Variants in CIB1 observed in about 807,000 individuals in gnomAD.
CIB1 encodes calcium and integrin-binding protein 1.
In CIB1, 19 loss-of-function variants were observed where a neutral mutation model predicts 25.0. The ratio of observed to expected loss-of-function variants is 0.76; its 90% confidence interval spans 0.53 to 1.12. CIB1 has a LOEUF of 1.12. Ranked by LOEUF, CIB1 falls within the 50% of genes most tolerant of loss-of-function variation. The probability of loss-of-function intolerance (pLI) is 0.00; values close to 1 mark genes in which losing one functional copy is unlikely to be tolerated. For synonymous variants in CIB1, 104 were observed against 98.5 expected (o/e 1.06, Z -0.33); for missense variants, 236 against 242.6 (o/e 0.97, Z 0.18).
chr15:90,252,170 G>T, the CIB1 span, among the ~76,000 whole-genome samples: 1 of 151,760 alleles, frequency 6.6e-6, no homozygotes. Flanking sequence ...CTCCCAAATA[G>T]CTGGGATTAC....
the CIB1 span, chr15:90,265,076 C>T: frequency 7.3e-7 from 1 of 1,378,138 alleles, no homozygotes; most frequent in Non-Finnish European, 9.6e-7. Flanking sequence ...TTTGAAAAGC[C>T]CTGCCCAGGA....
the CIB1 span, chr15:90,255,652 T>C: frequency 1.4e-5 from 21 of 1,538,782 alleles, no homozygotes; most frequent in Admixed American, 1.4e-4. Context: ...CACTGTGACT[T>C]CTCCCTTAAC....
chr15:90,257,805 G>A, the CIB1 span: 3 of 1,393,600 alleles, frequency 2.2e-6, no homozygotes, highest in Non-Finnish European at 3.0e-6. Context: ...GCTGGCTCTT[G>A]GGAGGCTAAT....
the CIB1 span, chr15:90,264,172 G>A: frequency 1.3e-5 from 9 of 668,120 alleles, no homozygotes; most frequent in Non-Finnish European, 1.8e-5. Context: ...GTAAGAATGG[G>A]GAAGTTAGGG....
chr15:90,240,933 G>T, the CIB1 span: 1 of 1,613,730 alleles, frequency 6.2e-7, no homozygotes, highest in Non-Finnish European at 8.5e-7. Context: ...TGATTCAAAC[G>T]AAACTTCCTA....
chr15:90,257,212 C>T, the CIB1 span: 1 of 1,613,836 alleles, frequency 6.2e-7, no homozygotes, highest in Non-Finnish European at 8.5e-7. Flanking sequence ...CTCTCCGGAT[C>T]TTCACATATG....
the CIB1 span, chr15:90,257,526 G>T: frequency 9.3e-7 from 1 of 1,079,842 alleles, no homozygotes; most frequent in East Asian, 2.5e-5. Flanking sequence ...GGTGGAGAGA[G>T]ACAGGAGACG....
the CIB1 span, among the ~76,000 whole-genome samples, chr15:90,252,815 C>T: frequency 6.6e-6 from 1 of 152,036 alleles, no homozygotes; most frequent in African/African-American, 2.4e-5. Flanking sequence ...CCAGACTGGC[C>T]AACATGGTAA....
chr15:90,261,241 G>C, the CIB1 span, among the ~76,000 whole-genome samples: 1 of 151,634 alleles, frequency 6.6e-6, no homozygotes, highest in East Asian at 2.0e-4. Context: ...ACCAAGCCCA[G>C]ATAATTTTTG....
the CIB1 span, chr15:90,263,744 G>C: frequency 7.3e-6 from 5 of 687,688 alleles, no homozygotes; most frequent in Non-Finnish European, 1.1e-5. Flanking sequence ...CTCTAGCCTA[G>C]ATTTTGCTAG....
chr15:90,231,503 T>A lies in CIB1; in HGVS notation c.200A>T (p.Asn67Ile). 1 of 1,613,670 alleles carries A rather than the reference T, an allele frequency of 6.2e-7. No individual in the cohort carries two copies. Among genetic ancestry groups the A allele is most frequent in the Non-Finnish European group, 8.5e-7 (1 of 1,179,810 alleles). ...CCTGCAGATTCGCTCCTTGAAGGGG[T>A]TGGCCTAGGAGAACAAACGCCACAG... is the stretch of plus-strand genomic sequence containing the variant. ...QILSLPELKANPFKERICRVF... is the reference protein window; with the variant it reads ...QILSLPELKAIPFKERICRVF... Residue 67 changes from asparagine to isoleucine, a missense_variant, in exon 4 of 7, where the codon AAC becomes ATC. Asn to Ile is a moderately radical substitution (Grantham distance 149). Transcript: ENST00000328649.
the CIB1 span, among the ~76,000 whole-genome samples, chr15:90,254,725 A>T: frequency 6.6e-6 from 1 of 152,052 alleles, no homozygotes; most frequent in Non-Finnish European, 1.5e-5. Context: ...TGCATGCTTT[A>T]GTCCCAGCCA....
chr15:90,242,125 G>T, the CIB1 span: 1 of 1,375,134 alleles, frequency 7.3e-7, no homozygotes, highest in Middle Eastern at 2.6e-4. Context: ...GTCTCACTCT[G>T]TCCCCAGGCT....
the CIB1 span, chr15:90,263,081 T>C: frequency 2.6e-6 from 4 of 1,535,984 alleles, no homozygotes; most frequent in Non-Finnish European, 3.5e-6. Flanking sequence ...CTGGGTATTG[T>C]AGAGCAGCTC....
In CIB1 at chr15:90,231,485, A is replaced by G. The variant is rs1231862976; in HGVS notation, c.218T>C (p.Ile73Thr). 1.2e-6 allele frequency: 2 copies of G among 1,614,094 alleles called. No homozygotes were observed. Among genetic ancestry groups the G allele is most frequent in the African/African-American group, 1.3e-5 (1 of 75,048 alleles). ...ELKANPFKER[I>T]CRVFSTSPAK... ...TGGGGATGTGGAGAAGACCCTGCAG[A>G]TTCGCTCCTTGAAGGGGTTGGCCTA... Residue 73 changes from isoleucine (I) to threonine (T), a missense_variant, in exon 4 of 7, where the codon ATC becomes ACC. Coordinates refer to ENST00000328649, the MANE Select transcript of CIB1 (RefSeq NM_006384.4).
At chr15:90,258,844 T>C in the CIB1 span, 2 of 1,614,084 alleles carry the variant, frequency 1.2e-6, no homozygotes, top group Admixed American at 3.3e-5. Context: ...TCCGGGGCTG[T>C]GACAAAAGGA....
At chr15:90,237,552 G>C (rs903298999), upstream of CIB1, among the ~76,000 whole-genome samples, 1 of 151,990 alleles carries the variant, frequency 6.6e-6, no homozygotes, top group African/African-American at 2.4e-5. Context: ...CCAATGTGCT[G>C]GTCCAGGGAT....
the CIB1 span, chr15:90,264,984 C>T: frequency 2.6e-6 from 4 of 1,527,974 alleles, no homozygotes; most frequent in African/African-American, 5.5e-5. Context: ...GAGGGAAGCA[C>T]TCTACCTCTC....
At chr15:90,248,718 C>CAAAAAAAAA in the CIB1 span, among the ~76,000 whole-genome samples, 25 of 27,790 alleles carry the variant, frequency 9.0e-4, 2 homozygotes, top group Admixed American at 1.2e-3. Context: ...GACCCTGTCT[C>CAAAAAAAAA]AAAAAAAAAA....
Sources: allele counts gnomAD v4.1 joint callset (sites outside exome capture counted in the v4.1 genomes callset), GRCh38; gene constraint gnomAD v4.1.1; transcripts MANE v1.5; gene names NCBI Gene and HGNC (gene_info 2026-07-23, HGNC 2026-07-21).